FHIT: variants seen among roughly 807,000 people sequenced by gnomAD.
The protein encoded by FHIT is bis(5'-adenosyl)-triphosphatase.
A neutral mutation model predicts 17.9 loss-of-function variants in FHIT; 19 were observed. The ratio of observed to expected loss-of-function variants is 1.06; its 90% CI spans 0.74 to 1.56. The LOEUF (loss-of-function observed/expected upper bound fraction) is 1.56, where lower values mean the gene tolerates loss of function less well. Ranked by LOEUF, FHIT falls within the 40% of genes most tolerant of loss-of-function variation. The probability of loss-of-function intolerance (pLI) is 0.00; values close to 1 mark genes in which losing one functional copy is unlikely to be tolerated. For missense variants in FHIT, 248 were observed against 189.2 expected (o/e 1.31, Z -1.82); for synonymous variants, 81 against 69.7 (o/e 1.16, Z -0.81).
Position 60,387,466 on chromosome 3 carries a change from T to C in FHIT, c.103+149394A>G, listed in dbSNP as rs190701844. On this transcript the variant is annotated intron_variant, in intron 5 of 9. Coordinates refer to ENST00000492590, the MANE Select transcript of FHIT (RefSeq NM_002012.4). Reference sequence around the variant, plus strand: ...TAGCATCTAACAGGCTCCTTGGTGGTTGCGGTCTAAGTGGACATGTACAGG... The same window carrying C: ...TAGCATCTAACAGGCTCCTTGGTGGCTGCGGTCTAAGTGGACATGTACAGG... Among the ~76,000 whole-genome samples, 105 of 152,332 alleles carry C rather than the reference T, an allele frequency of 6.9e-4. 1 individual carries two copies. Among genetic ancestry groups the C allele is most frequent in the Admixed American group, 5.8e-3 (89 of 15,308 alleles).
At chr3:60,238,857 G>C (rs915590180) in intron 5 of FHIT, among the ~76,000 whole-genome samples, 2 of 152,300 alleles carry the variant, frequency 1.3e-5, no homozygotes, top group African/African-American at 2.4e-5. Context: ...CCCCATGACT[G>C]AGCTTTGGCA....
intron 2 of FHIT, among the ~76,000 whole-genome samples, chr3:61,186,648 C>T (rs932008634): frequency 1.3e-5 from 2 of 152,174 alleles, no homozygotes; most frequent in African/African-American, 4.8e-5. Context: ...TTTTGAGGGT[C>T]AACCACTTCC....
Position 59,980,221 on chromosome 3 carries a change from T to C in FHIT, c.279+31150A>G, listed in dbSNP as rs1420759890. Among the ~76,000 whole-genome samples the C allele has an allele frequency of 1.3e-5, 2 of 152,188 alleles. 1 individual carries two copies. The highest frequency in any genetic ancestry group is 4.1e-4 in the South Asian group (2 of 4,834). On this transcript the variant is annotated intron_variant, in intron 7 of 9. Transcript: ENST00000492590. ...TTCATGATCATCACAAATTTGGGCATTGGCATGAATGTTAATTCCTCATCT... is the reference window on the plus strand; with the variant it reads ...TTCATGATCATCACAAATTTGGGCACTGGCATGAATGTTAATTCCTCATCT...
chr3:59,898,593 A>T (rs891796047), intron 8 of FHIT, among the ~76,000 whole-genome samples: 2 of 152,178 alleles, frequency 1.3e-5, no homozygotes, highest in Non-Finnish European at 2.9e-5. Flanking sequence ...ACTAGAATGT[A>T]ACAAGCAGCT....
Position 60,660,729 on chromosome 3 carries a change from C to CTTTTTTTTTTTTTTTTTTTTTTT in FHIT, c.-17-123751_-17-123750insAAAAAAAAAAAAAAAAAAAAAAA. 3.6e-3 allele frequency among the ~76,000 whole-genome samples: 135 copies of CTTTTTTTTTTTTTTTTTTTTTTT among 37,276 alleles called. 32 individuals are homozygous for CTTTTTTTTTTTTTTTTTTTTTTT. The highest frequency in any genetic ancestry group is 5.3e-3 in the Non-Finnish European group (97 of 18,234). The allele number at this position is 37,276 out of a possible 152,430, so 24.5% of individuals were successfully genotyped here. A position where few individuals can be genotyped will look rare whatever the true frequency, so the allele number is the denominator to read the frequency against. On this transcript the variant is annotated intron_variant, in intron 4 of 9. Coordinates refer to ENST00000492590, the MANE Select transcript of FHIT (RefSeq NM_002012.4). ...GATGTGGAATATCTTTTATTGTGCT[C>CTTTTTTTTTTTTTTTTTTTTTTT]TTTTTTTTTTTTTTTTTTTTTGCCA...
At chr3:60,151,972 AT>A (rs1362563099) in intron 5 of FHIT, among the ~76,000 whole-genome samples, 1 of 152,156 alleles carries the variant, frequency 6.6e-6, no homozygotes, top group Admixed American at 6.5e-5. Context: ...ACTTTTGTTT[AT>A]TTGCTGCTGA....
At chr3:60,761,721 C>T (rs1699665382) in intron 4 of FHIT, among the ~76,000 whole-genome samples, 1 of 150,368 alleles carries the variant, frequency 6.7e-6, no homozygotes. Context: ...GATAGTGAGA[C>T]AGACTGCTTC....
intron 5 of FHIT, among the ~76,000 whole-genome samples, chr3:60,248,283 G>T (rs1363796897): frequency 1.3e-5 from 2 of 152,070 alleles, no homozygotes; most frequent in Non-Finnish European, 2.9e-5. Flanking sequence ...TAATATTCCT[G>T]ATCTGAGGTG....
intron 3 of FHIT, among the ~76,000 whole-genome samples, chr3:60,876,149 G>A (rs1007909946): frequency 4.0e-5 from 6 of 151,860 alleles, no homozygotes; most frequent in Non-Finnish European, 8.8e-5. Flanking sequence ...TGTTCCTTTA[G>A]TAAGCAAGGG....
At chr3:60,186,557 T>G (rs1460163268) in intron 5 of FHIT, among the ~76,000 whole-genome samples, 2 of 152,154 alleles carry the variant, frequency 1.3e-5, no homozygotes, top group African/African-American at 2.4e-5. Context: ...ACTGTGTATG[T>G]AGGTCAAACC....
At chr3:61,046,682 C>G (rs1239546104) in intron 2 of FHIT, among the ~76,000 whole-genome samples, 9 of 152,052 alleles carry the variant, frequency 5.9e-5, no homozygotes, top group Non-Finnish European at 7.4e-5. Context: ...GGCAGAGACA[C>G]AACACAAAAA....
At chr3:60,091,432 A>AC (rs1429823794) in intron 5 of FHIT, among the ~76,000 whole-genome samples, 1 of 152,202 alleles carries the variant, frequency 6.6e-6, no homozygotes, top group East Asian at 1.9e-4. Context: ...ACTTGTTGGC[A>AC]CCTGGAGTGA....
intron 3 of FHIT, among the ~76,000 whole-genome samples, chr3:61,009,390 G>C (rs902296200): frequency 1.3e-5 from 2 of 152,110 alleles, no homozygotes; most frequent in Non-Finnish European, 2.9e-5. Flanking sequence ...TACCATATAT[G>C]AAATTTGATC....
intron 4 of FHIT, among the ~76,000 whole-genome samples, chr3:60,691,554 G>C (rs2040992187): frequency 6.6e-6 from 1 of 151,812 alleles, no homozygotes; most frequent in Non-Finnish European, 1.5e-5. Context: ...CTTTTTTGAA[G>C]TGACAGGTTT....
At chr3:60,342,749 GGA>G (rs1710588572) in intron 5 of FHIT, among the ~76,000 whole-genome samples, 1 of 152,136 alleles carries the variant, frequency 6.6e-6, no homozygotes, top group Non-Finnish European at 1.5e-5. Flanking sequence ...AATATTGTCT[GGA>G]GATACTGAAA....
intron 5 of FHIT, among the ~76,000 whole-genome samples, chr3:60,497,909 A>AT (rs990673184): frequency 5.9e-5 from 9 of 151,960 alleles, no homozygotes; most frequent in African/African-American, 2.2e-4. Flanking sequence ...GCATAATTTT[A>AT]TTTTTTCCTT....
At chr3:60,024,519 G>A (rs1275712313) in intron 5 of FHIT, among the ~76,000 whole-genome samples, 1 of 152,168 alleles carries the variant, frequency 6.6e-6, no homozygotes, top group Admixed American at 6.5e-5. Flanking sequence ...AAATATTTGT[G>A]AATTAAGAGC....
At chr3:59,907,480 A>G (rs1416388719) in intron 8 of FHIT, among the ~76,000 whole-genome samples, 1 of 152,198 alleles carries the variant, frequency 6.6e-6, no homozygotes, top group Non-Finnish European at 1.5e-5. Flanking sequence ...GGATAAGGAC[A>G]CAGAAGAGTT....
At chr3:60,496,182 G>A (rs2034292976) in intron 5 of FHIT, among the ~76,000 whole-genome samples, 2 of 151,866 alleles carry the variant, frequency 1.3e-5, no homozygotes, top group South Asian at 4.2e-4. Flanking sequence ...ACTATCCCCT[G>A]TCCCGACCCC....
Sources: allele counts gnomAD v4.1 joint callset (sites outside exome capture counted in the v4.1 genomes callset), GRCh38; gene constraint gnomAD v4.1.1; transcripts MANE v1.5; gene names NCBI Gene and HGNC (gene_info 2026-07-23, HGNC 2026-07-21).